Variants in ZDHHC18 observed in about 807,000 individuals in gnomAD.
ZDHHC18 encodes zDHHC palmitoyltransferase 18.
Under a neutral mutation model 37.5 loss-of-function variants are expected in ZDHHC18, and 23 were observed. That is an observed-to-expected ratio of 0.61 (90% CI 0.44 to 0.87). The LOEUF (loss-of-function observed/expected upper bound fraction) is 0.87, where lower values mean the gene tolerates loss of function less well. Ranked by LOEUF, ZDHHC18 falls within the 40% of genes least tolerant of loss-of-function variation. The pLI is 0.00. For synonymous variants in ZDHHC18, 185 were observed against 218.7 expected, an observed-to-expected ratio of 0.85 and a Z score of 1.36; for missense variants, 406 against 525.6, an observed-to-expected ratio of 0.77 and a Z score of 2.22.
intron 2 of ZDHHC18, among the ~76,000 whole-genome samples, chr1:26,834,007 G>A (rs1299770178): frequency 6.6e-6 from 1 of 152,162 alleles, no homozygotes; most frequent in Non-Finnish European, 1.5e-5. Flanking sequence ...CCTACATCCA[G>A]CGTCCTACCC....
At chr1:26,840,643 T>C (rs1440786345) in intron 2 of ZDHHC18, among the ~76,000 whole-genome samples, 3 of 152,122 alleles carry the variant, frequency 2.0e-5, no homozygotes, top group Non-Finnish European at 4.4e-5. Flanking sequence ...GGTTTCAGTG[T>C]GTTGGCCAGG....
At chr1:26,832,300 A>C (rs896398638) in intron 1 of ZDHHC18, 147 bp from the exon 2 acceptor site, 2 of 945,966 alleles carry the variant, frequency 2.1e-6, no homozygotes, top group Non-Finnish European at 3.3e-6. Context: ...TGCACTCATC[A>C]AGGAGCTGTG....
Position 26,842,823 on chromosome 1 carries a change from C to A in ZDHHC18, c.497-5785C>A, listed in dbSNP as rs1442720708. On this transcript the variant is annotated intron_variant, in intron 2 of 7. Coordinates refer to ENST00000374142, the MANE Select transcript of ZDHHC18 (RefSeq NM_032283.3). ...GCCAAGTGCCTAGAATCGTGCCTGG[C>A]ACATTGGTAGGCACTCAGTAAATAA... Among the ~76,000 whole-genome samples, 4 of 152,232 alleles carry A rather than the reference C, an allele frequency of 2.6e-5. No individual in the cohort carries two copies. In the East Asian group the frequency reaches 5.8e-4, roughly 22 times the overall value.
At chr1:26,843,503 T>C (rs1232559034) in intron 2 of ZDHHC18, among the ~76,000 whole-genome samples, 1 of 151,166 alleles carries the variant, frequency 6.6e-6, no homozygotes, top group East Asian at 2.0e-4. Context: ...AGTATACAAG[T>C]TGTGGCCGTG....
intron 2 of ZDHHC18, among the ~76,000 whole-genome samples, chr1:26,834,319 G>C (rs2081601572): frequency 6.6e-6 from 1 of 152,238 alleles, no homozygotes; most frequent in Non-Finnish European, 1.5e-5. Context: ...CAACAGCCCA[G>C]TGAGGGCGAC....
chr1:26,831,287 T>C (rs1445641506), intron 1 of ZDHHC18, among the ~76,000 whole-genome samples: 2 of 149,798 alleles, frequency 1.3e-5, no homozygotes, highest in African/African-American at 4.9e-5. Context: ...AGGCTTGTTA[T>C]AGGAACTGTC....
In ZDHHC18 at chr1:26,851,186, G is replaced by T; in HGVS notation, c.891G>T (p.Gly297=). The change falls in exon 6 of 8, where the codon GGG becomes GGT. Residue 297 remains glycine, a synonymous_variant. Transcript: ENST00000374142. ...TCTGGTCCATTCTGGGCCTCTCAGGGTTTCACACGTACCTCGTCGCCTCCA... is the reference window on the plus strand; with the variant it reads ...TCTGGTCCATTCTGGGCCTCTCAGGTTTTCACACGTACCTCGTCGCCTCCA... ...FSIWSILGLS[G]FHTYLVASNL... 1 of 1,614,192 alleles carries T rather than the reference G, an allele frequency of 6.2e-7. No homozygotes were observed. Among genetic ancestry groups the T allele is most frequent in the Non-Finnish European group, 8.5e-7 (1 of 1,180,030 alleles).
chr1:26,856,347 A>G lies in ZDHHC18; in HGVS notation c.*2504A>G, dbSNP rs1040097553. 5.3e-6 allele frequency: 2 copies of G among 379,826 alleles called. No homozygotes were observed. Among genetic ancestry groups the G allele is most frequent in the African/African-American group, 2.0e-5 (1 of 48,962 alleles). The allele number at this position is 379,826 out of a possible 1,614,324, so 23.5% of individuals were successfully genotyped here. A position where few individuals can be genotyped will look rare whatever the true frequency, so the allele number is the denominator to read the frequency against. The stretch of plus-strand genomic sequence containing the variant: ...CCTCATCGCATGCCTCGCCAACCCC[A>G]TGGAGCCCGTCCATCTGTCTGGTGT... On this transcript the variant is annotated 3_prime_UTR_variant, in exon 8 of 8. Coordinates refer to ENST00000374142, the MANE Select transcript of ZDHHC18 (RefSeq NM_032283.3). This position sits in a 1 kb window ranked among gnomAD's most constrained non-coding sequence, Gnocchi z 5.2.
In ZDHHC18 at chr1:26,854,030, T is replaced by G; in HGVS notation, c.*187T>G. 1 of 607,918 alleles carries G rather than the reference T, an allele frequency of 1.6e-6. No homozygotes were observed. Among genetic ancestry groups the G allele is most frequent in the East Asian group, 2.8e-5 (1 of 35,088 alleles). 37.7% of individuals were successfully genotyped at this position (607,918 alleles called of 1,614,324 possible). A position where few individuals can be genotyped will look rare whatever the true frequency, so the allele number is the denominator to read the frequency against. ...GTGCCCTCTGCTCCCCAAACCCAGG[T>G]TCCCACAGCCTTGGGCCCTAGGTAC... On this transcript the variant is annotated 3_prime_UTR_variant, in exon 8 of 8. Coordinates refer to ENST00000374142, the MANE Select transcript of ZDHHC18 (RefSeq NM_032283.3). The surrounding 1 kb of genome is among the most constrained non-coding windows in gnomAD (Gnocchi z 4.6).
rs767853049 is a variant in ZDHHC18 at position 26,848,744 on chromosome 1, C to T, written c.633C>T (p.Cys211=). 9.3e-6 allele frequency: 15 copies of T among 1,612,510 alleles called. No individual in the cohort carries two copies. The highest frequency in any genetic ancestry group is 1.3e-5 in the African/African-American group (1 of 74,910). The change falls in exon 3 of 8, where the codon TGC becomes TGT. Residue 211 remains cysteine (C), a synonymous_variant. Transcript: ENST00000374142. ...RPPRTSHCSV[C]DNCVERFDHH... is the part of the protein sequence containing the mutation. ...CCCGAACCTCACACTGCAGTGTCTG[C>T]GACAACTGTGTGGGTGAGTAGGAGG...
chr1:26,838,342 T>C (rs1209059047), intron 2 of ZDHHC18, among the ~76,000 whole-genome samples: 1 of 152,086 alleles, frequency 6.6e-6, no homozygotes, highest in Non-Finnish European at 1.5e-5. Context: ...GGTCTTGCTG[T>C]GTTGCCCAGG....
chr1:26,841,514 G>A (rs1227358832), intron 2 of ZDHHC18, among the ~76,000 whole-genome samples: 1 of 152,158 alleles, frequency 6.6e-6, no homozygotes, highest in Non-Finnish European at 1.5e-5. Context: ...TAAGTGATTG[G>A]AGTGAGATTT....
chr1:26,830,931 T>C (rs989838593), intron 1 of ZDHHC18, among the ~76,000 whole-genome samples: 2 of 152,132 alleles, frequency 1.3e-5, no homozygotes, highest in Non-Finnish European at 2.9e-5. Flanking sequence ...TACAGGCACA[T>C]GCTACCACAC....
intron 2 of ZDHHC18, among the ~76,000 whole-genome samples, chr1:26,846,065 A>T (rs1557644144): frequency 6.6e-6 from 1 of 151,762 alleles, no homozygotes; most frequent in Non-Finnish European, 1.5e-5. Flanking sequence ...ATCCATGAAT[A>T]TGCTATATCT....
At chr1:26,834,791 C>T (rs1232599509) in intron 2 of ZDHHC18, among the ~76,000 whole-genome samples, 1 of 152,224 alleles carries the variant, frequency 6.6e-6, no homozygotes, top group Non-Finnish European at 1.5e-5. Context: ...GGACATCTCC[C>T]AGTTGGGCAT....
chr1:26,851,035 G>T (rs1354245714), intron 5 of ZDHHC18, 94 bp from the exon 6 acceptor site: 2 of 1,234,698 alleles, frequency 1.6e-6, no homozygotes, highest in Non-Finnish European at 2.4e-6. Context: ...CAGCTCTCTG[G>T]GGAAACAGCT....
chr1:26,856,373 G>A lies in ZDHHC18; in HGVS notation c.*2530G>A. The A allele has an allele frequency of 5.7e-6, 2 of 351,564 alleles. No individual in the cohort carries two copies. Among genetic ancestry groups the A allele is most frequent in the South Asian group, 2.0e-5 (1 of 49,858 alleles). 21.8% of individuals were successfully genotyped at this position (351,564 alleles called of 1,614,324 possible). A position where few individuals can be genotyped will look rare whatever the true frequency, so the allele number is the denominator to read the frequency against. On this transcript the variant is annotated 3_prime_UTR_variant, in exon 8 of 8. Transcript: ENST00000374142. The surrounding 1 kb of genome is among the most constrained non-coding windows in gnomAD (Gnocchi z 5.2). The stretch of plus-strand genomic sequence containing the variant: ...TGGAGCCCGTCCATCTGTCTGGTGT[G>A]TGGTGCGGTGTGTGTGCTGGTGGTG...
intron 2 of ZDHHC18, among the ~76,000 whole-genome samples, chr1:26,843,064 A>G (rs954183440): frequency 6.6e-6 from 1 of 151,972 alleles, no homozygotes; most frequent in Non-Finnish European, 1.5e-5. Context: ...CACCTAGGTT[A>G]GAGTCCTGCT....
At position 26,853,852 on chromosome 1, in the gene ZDHHC18, C is replaced by T; in HGVS notation, c.*9C>T. The T allele has an allele frequency of 6.2e-7, 1 of 1,611,996 alleles. No homozygotes were observed. Among genetic ancestry groups the T allele is most frequent in the Non-Finnish European group, 8.5e-7 (1 of 1,179,236 alleles). On this transcript the variant is annotated 3_prime_UTR_variant, in exon 8 of 8. Transcript: ENST00000374142. ...TAGGAGGCCACCCCTGACCACGGCTCAGTACTTGCCACCTGCTGGCCTGTC... is the reference window on the plus strand; with the variant it reads ...TAGGAGGCCACCCCTGACCACGGCTTAGTACTTGCCACCTGCTGGCCTGTC...
Sources: allele counts gnomAD v4.1 joint callset (sites outside exome capture counted in the v4.1 genomes callset), GRCh38; gene constraint gnomAD v4.1.1; non-coding constraint Gnocchi (gnomAD v3.1); transcripts MANE v1.5; gene names NCBI Gene and HGNC (gene_info 2026-07-23, HGNC 2026-07-21).